CSMD1: variants seen among roughly 807,000 people sequenced by gnomAD.
CSMD1 encodes the protein CUB and sushi domain-containing protein 1.
In CSMD1, 213 loss-of-function variants were observed where a neutral mutation model predicts 417.5. The ratio of observed to expected loss-of-function variants is 0.51; its 90% CI spans 0.46 to 0.57. The LOEUF (loss-of-function observed/expected upper bound fraction) is 0.57. Ranked by LOEUF, CSMD1 falls within the 20% of genes least tolerant of loss-of-function variation. The pLI is 0.00. For synonymous variants in CSMD1, 2,862 were observed against 1,736.8 expected (o/e 1.65, Z -16.11); for missense variants, 6,923 against 4,529.7 (o/e 1.53, Z -15.17).
chr8:4,192,096 C>T (rs972343701), intron 3 of CSMD1, among the ~76,000 whole-genome samples: 3 of 151,978 alleles, frequency 2.0e-5, no homozygotes, highest in Non-Finnish European at 4.4e-5. Context: ...AAACCAAAAA[C>T]GTGGGAAGGA....
Position 4,198,069 on chromosome 8 carries a change from CG to C in CSMD1, c.416-165971del, listed in dbSNP as rs1799440867. 8.5e-5 allele frequency among the ~76,000 whole-genome samples: 13 copies of C among 152,314 alleles called. No individual in the cohort carries two copies. The South Asian group carries it at 2.7e-3, about 32-fold the overall frequency. ...TATTTATGCTCAGCGATTATCAAAG[CG>C]CAAAGCGAGGGAAGTCTGGGAGTCT... On this transcript the variant is annotated intron_variant, in intron 3 of 69. Coordinates refer to ENST00000635120, the MANE Select transcript of CSMD1 (RefSeq NM_033225.6).
chr8:3,168,524 C>A (rs1365076743), intron 37 of CSMD1, among the ~76,000 whole-genome samples: 1 of 151,996 alleles, frequency 6.6e-6, no homozygotes, highest in Non-Finnish European at 1.5e-5. Flanking sequence ...GTGAGCCTGA[C>A]AATGGAGGAA....
chr8:3,178,039 T>A (rs1821052396), intron 37 of CSMD1, among the ~76,000 whole-genome samples: 1 of 152,204 alleles, frequency 6.6e-6, no homozygotes, highest in African/African-American at 2.4e-5. Context: ...GATGCTAATC[T>A]TTTTGAGCTT....
At chr8:4,895,913 A>G (rs904303069) in intron 1 of CSMD1, among the ~76,000 whole-genome samples, 13 of 152,098 alleles carry the variant, frequency 8.5e-5, no homozygotes, top group Non-Finnish European at 7.3e-5. Flanking sequence ...ATTTTGGTTC[A>G]GAATTGTTAC....
rs139960849 is a variant in CSMD1 at position 3,074,393 on chromosome 8, C to T, written c.7474+12704G>A. On this transcript the variant is annotated intron_variant, in intron 49 of 69. Transcript: ENST00000635120. ...TCACGGGAGGAGGGTCCACCGCACC[C>T]CCAGGTCCATAGGGAGCTGTCTACC... is the stretch of plus-strand genomic sequence containing the variant. Among the ~76,000 whole-genome samples, 268 of 152,276 alleles carry T rather than the reference C, an allele frequency of 1.8e-3. 1 individual carries two copies. Among genetic ancestry groups the T allele is most frequent in the South Asian group, 7.3e-3 (35 of 4,822 alleles).
intron 3 of CSMD1, among the ~76,000 whole-genome samples, chr8:4,270,532 G>T (rs771047845): frequency 6.6e-6 from 1 of 152,002 alleles, no homozygotes; most frequent in African/African-American, 2.4e-5. Flanking sequence ...CTGATATCCA[G>T]CTGTGACTAG....
At chr8:4,519,166 T>C (rs1397307315) in intron 2 of CSMD1, among the ~76,000 whole-genome samples, 3 of 152,110 alleles carry the variant, frequency 2.0e-5, no homozygotes, top group African/African-American at 7.2e-5. Flanking sequence ...ATTATTTACC[T>C]CTTGCAGTCA....
At chr8:4,047,351 G>A (rs1585201759) in intron 3 of CSMD1, among the ~76,000 whole-genome samples, 1 of 152,140 alleles carries the variant, frequency 6.6e-6, no homozygotes, top group South Asian at 2.1e-4. Context: ...AAAGCCCTTG[G>A]GAACGGTCCT....
intron 2 of CSMD1, among the ~76,000 whole-genome samples, chr8:4,451,027 A>T (rs923568902): frequency 1.6e-4 from 24 of 152,280 alleles, no homozygotes; most frequent in African/African-American, 5.5e-4. Context: ...TGGGGAAAAA[A>T]AAAATGGAAT....
At chr8:3,369,812 G>C (rs549725997) in intron 18 of CSMD1, among the ~76,000 whole-genome samples, 4 of 152,308 alleles carry the variant, frequency 2.6e-5, no homozygotes, top group South Asian at 2.1e-4. Context: ...ATGGGAAAGT[G>C]GCAACAATTA....
At chr8:4,029,563 C>A (rs1362972832) in intron 4 of CSMD1, among the ~76,000 whole-genome samples, 2 of 152,124 alleles carry the variant, frequency 1.3e-5, no homozygotes, top group African/African-American at 4.8e-5. Context: ...AATTACCTCC[C>A]ACTGGCTTCC....
At chr8:3,913,271 A>T (rs755328123) in intron 5 of CSMD1, among the ~76,000 whole-genome samples, 43 of 152,268 alleles carry the variant, frequency 2.8e-4, no homozygotes, top group Non-Finnish European at 4.7e-4. Flanking sequence ...AATGGAAGCC[A>T]TGGGGAGGTT....
chr8:4,365,003 T>A (rs1042922817), intron 3 of CSMD1, among the ~76,000 whole-genome samples: 3 of 152,168 alleles, frequency 2.0e-5, no homozygotes, highest in Non-Finnish European at 2.9e-5. Context: ...TATATTCTAA[T>A]GGAACTCAGA....
rs375418249 is a variant in CSMD1, at chr8:4,017,821, A to T, written c.610+14084T>A. On this transcript the variant is annotated intron_variant, in intron 4 of 69. Transcript: ENST00000635120. ...TTTGGAAAAGATAACATTTCTGGAG[A>T]TCTCAGCTGTTTGGGTGACTGTATA... Among the ~76,000 whole-genome samples the T allele has an allele frequency of 1.8e-4, 28 of 152,212 alleles. No individual in the cohort carries two copies. The East Asian group carries it at 4.6e-3, about 25-fold the overall frequency.
chr8:4,726,103 A>G (rs1221282224), intron 1 of CSMD1, among the ~76,000 whole-genome samples: 2 of 152,144 alleles, frequency 1.3e-5, no homozygotes, highest in Non-Finnish European at 2.9e-5. Flanking sequence ...GAACGCACAT[A>G]TAACACACGG....
In CSMD1 at chr8:4,708,766, G is replaced by A. The variant is rs191870823; in HGVS notation, c.86-71208C>T. On this transcript the variant is annotated intron_variant, in intron 1 of 69. Coordinates refer to ENST00000635120, the MANE Select transcript of CSMD1 (RefSeq NM_033225.6). ...TATAAAGTCCTAACCCCCAGCATGGGACTATATTTGGAGAGAAGATTTTGT... is the reference window on the plus strand; with the variant it reads ...TATAAAGTCCTAACCCCCAGCATGGAACTATATTTGGAGAGAAGATTTTGT... 2.5e-4 allele frequency among the ~76,000 whole-genome samples: 38 copies of A among 152,248 alleles called. No individual in the cohort carries two copies. The South Asian group carries it at 7.7e-3, about 31-fold the overall frequency.
chr8:3,476,912 CAAAA>C lies in CSMD1; in HGVS notation c.1449-8092_1449-8089del, dbSNP rs761021655. On this transcript the variant is annotated intron_variant, in intron 11 of 69. Coordinates refer to ENST00000635120, the MANE Select transcript of CSMD1 (RefSeq NM_033225.6). ...TGAGCAACAGAGCGAAACTCCGCCT[CAAAA>C]AAAAAAAAAAAAAAAATGTGAATCA... is the stretch of plus-strand genomic sequence containing the variant. Among the ~76,000 whole-genome samples the C allele has an allele frequency of 4.6e-3, 583 of 126,812 alleles. 9 individuals are homozygous for C. Among genetic ancestry groups the C allele is most frequent in the Non-Finnish European group, 5.2e-3 (313 of 60,146 alleles). The allele number at this position is 126,812 out of a possible 152,430, so 83.2% of individuals were successfully genotyped here. A position where few individuals can be genotyped will look rare whatever the true frequency, so the allele number is the denominator to read the frequency against.
At chr8:4,088,597 T>TTC (rs949028704) in intron 3 of CSMD1, among the ~76,000 whole-genome samples, 1 of 152,016 alleles carries the variant, frequency 6.6e-6, no homozygotes, top group South Asian at 2.1e-4. Flanking sequence ...CCCACATGTA[T>TTC]TCTCTCTCTC....
intron 55 of CSMD1, among the ~76,000 whole-genome samples, chr8:2,975,715 A>AAAC (rs1804854372): frequency 6.6e-6 from 1 of 152,240 alleles, no homozygotes; most frequent in South Asian, 2.1e-4. Flanking sequence ...ACCTTCAGTG[A>AAAC]AACAATATCA....
Sources: allele counts gnomAD v4.1 joint callset (sites outside exome capture counted in the v4.1 genomes callset), GRCh38; gene constraint gnomAD v4.1.1; transcripts MANE v1.5; gene names NCBI Gene and HGNC (gene_info 2026-07-23, HGNC 2026-07-21).